The following PCDHGA4 variants were observed in gnomAD, a reference collection of about 807,000 sequenced individuals.
PCDHGA4 encodes protocadherin gamma-A4.
A neutral mutation model predicts 54.6 loss-of-function variants in PCDHGA4; 38 were observed. That is an observed-to-expected ratio of 0.70 (90% CI 0.54 to 0.91). PCDHGA4 has a LOEUF of 0.91. PCDHGA4 is among the 40% of genes least tolerant of loss of function. PCDHGA4 has a pLI of 0.00. For missense variants in PCDHGA4, 1,298 were observed against 1,220.9 expected (o/e 1.06, Z -0.94); for synonymous variants, 511 against 512.9 (o/e 1.00, Z 0.05).
chr5:141,486,100 C>G lies in PCDHGA4; in HGVS notation c.2515-8707C>G. Reference sequence around the variant, plus strand: ...AGCTTACTCTTTTGGGGCCCCTAGACTTTGAGAGTGAGAATTACTATGAAT... The same window carrying G: ...AGCTTACTCTTTTGGGGCCCCTAGAGTTTGAGAGTGAGAATTACTATGAAT... On this transcript the variant is annotated intron_variant, in intron 1 of 3. Transcript: ENST00000571252. This position sits in a 1 kb window ranked among gnomAD's most constrained non-coding sequence, Gnocchi z 5.0. 1 of 1,614,190 alleles carries G rather than the reference C, an allele frequency of 6.2e-7. No individual in the cohort carries two copies. The highest frequency in any genetic ancestry group is 1.1e-5 in the South Asian group (1 of 91,086).
chr5:141,484,695 G>A (rs1371166304), intron 1 of PCDHGA4, among the ~76,000 whole-genome samples: 3 of 151,920 alleles, frequency 2.0e-5, no homozygotes, highest in Non-Finnish European at 4.4e-5. Context: ...TCAGGCTGTG[G>A]CTGTTTTCCC....
intron 1 of PCDHGA4, chr5:141,415,477 C>A (rs2095874299): frequency 1.9e-6 from 3 of 1,614,184 alleles, no homozygotes; most frequent in Non-Finnish European, 2.5e-6. Flanking sequence ...CGCGGACTCG[C>A]GAAAGAGTCA....
intron 1 of PCDHGA4, chr5:141,383,044 GC>G: frequency 1.2e-6 from 2 of 1,613,878 alleles, no homozygotes; most frequent in Non-Finnish European, 8.5e-7. Context: ...GGGAGACATC[GC>G]CAAGGACCTG....
rs200625256 is a variant in PCDHGA4 at position 141,477,009 on chromosome 5, A to G, written c.2515-17798A>G. 7.5e-5 allele frequency: 121 copies of G among 1,614,064 alleles called. No homozygotes were observed. Among genetic ancestry groups the G allele is most frequent in the Non-Finnish European group, 9.2e-5 (109 of 1,180,028 alleles). On this transcript the variant is annotated intron_variant, in intron 1 of 3. Transcript: ENST00000571252. This position sits in a 1 kb window ranked among gnomAD's most constrained non-coding sequence, Gnocchi z 4.9. The stretch of plus-strand genomic sequence containing the variant: ...GGCGTGCGGCAACTATTCGCCTTAG[A>G]CCTTGTAACCGGGATGCTGACAATC...
chr5:141,439,176 T>C (rs1044289122), intron 1 of PCDHGA4, among the ~76,000 whole-genome samples: 3 of 146,068 alleles, frequency 2.1e-5, no homozygotes, highest in African/African-American at 7.8e-5. Context: ...CTGGGCGACA[T>C]AGTGAGACTC....
chr5:141,401,345 A>G (rs1233985725), intron 1 of PCDHGA4, among the ~76,000 whole-genome samples: 4 of 152,216 alleles, frequency 2.6e-5, no homozygotes, highest in Non-Finnish European at 4.4e-5. Context: ...TCCATCTCAA[A>G]AAAAAGGAAG....
chr5:141,484,647 G>C (rs556711906), intron 1 of PCDHGA4, among the ~76,000 whole-genome samples: 1 of 151,948 alleles, frequency 6.6e-6, no homozygotes, highest in African/African-American at 2.4e-5. Context: ...CTCTCCAATG[G>C]CTACTCTCCC....
At position 141,431,896 on chromosome 5, in the gene PCDHGA4, C is replaced by A. The variant is rs1292629023; in HGVS notation, c.2515-62911C>A. The A allele has an allele frequency of 6.2e-7, 1 of 1,613,940 alleles. No homozygotes were observed. The highest frequency in any genetic ancestry group is 1.3e-5 in the African/African-American group (1 of 74,924). On this transcript the variant is annotated intron_variant, in intron 1 of 3. Coordinates refer to ENST00000571252, the MANE Select transcript of PCDHGA4 (RefSeq NM_018917.4). This position sits in a 1 kb window ranked among gnomAD's most constrained non-coding sequence, Gnocchi z 4.8. Reference sequence around the variant, plus strand: ...TAAATGACCAAGATTCTGAGGAAAACGGACAGGTGATCTGTTTCATCCAAG... The same window carrying A: ...TAAATGACCAAGATTCTGAGGAAAAAGGACAGGTGATCTGTTTCATCCAAG...
intron 1 of PCDHGA4, chr5:141,418,580 G>A: frequency 1.2e-5 from 20 of 1,614,018 alleles, no homozygotes; most frequent in Non-Finnish European, 1.7e-5. Flanking sequence ...CAACCCCCCA[G>A]TGTTCAGCCA....
chr5:141,400,028 C>T (rs2093943957), intron 1 of PCDHGA4: 1 of 1,613,054 alleles, frequency 6.2e-7, no homozygotes. Context: ...AGGGACGCGG[C>T]CCGCCAGCGC....
At position 141,361,241 on chromosome 5, in the gene PCDHGA4, T is replaced by C. The variant is rs774637844; in HGVS notation, c.2514+3620T>C. Reference sequence around the variant, plus strand: ...CCACCAGGAACAGTGATCGCCTTGATAAAAACGAGAGACAGAGACTCTGGA... The same window carrying C: ...CCACCAGGAACAGTGATCGCCTTGACAAAAACGAGAGACAGAGACTCTGGA... On this transcript the variant is annotated intron_variant, in intron 1 of 3. Coordinates refer to ENST00000571252, the MANE Select transcript of PCDHGA4 (RefSeq NM_018917.4). 3.7e-6 allele frequency: 6 copies of C among 1,613,960 alleles called. No homozygotes were observed. In the South Asian group the frequency reaches 6.6e-5, roughly 18 times the overall value.
chr5:141,383,634 T>G (rs1364470063), intron 1 of PCDHGA4: 1 of 1,613,914 alleles, frequency 6.2e-7, no homozygotes, highest in African/African-American at 1.3e-5. Context: ...TCTCTCTGCC[T>G]CAGTACCAAG....
At chr5:141,364,990 G>T in intron 1 of PCDHGA4, 1 of 1,613,862 alleles carries the variant, frequency 6.2e-7, no homozygotes, top group South Asian at 1.1e-5. Flanking sequence ...GCGGAGACCC[G>T]GTACTCTCCG....
chr5:141,456,321 G>A (rs2098849819), intron 1 of PCDHGA4, among the ~76,000 whole-genome samples: 1 of 152,154 alleles, frequency 6.6e-6, no homozygotes, highest in African/African-American at 2.4e-5. Context: ...GGCTCCTCCT[G>A]GGGTTGATCT....
intron 1 of PCDHGA4, chr5:141,395,200 A>G: frequency 6.2e-7 from 1 of 1,613,768 alleles, no homozygotes; most frequent in Non-Finnish European, 8.5e-7. Flanking sequence ...ACATCCGTAG[A>G]TTTTCATGAA....
rs746834673 is a variant in PCDHGA4, at chr5:141,394,045, A to G, written c.2514+36424A>G. ...AGATTAGTGACAAGGAAATATTTGG[A>G]CCGAGAAAATGTCTCTATCTACAAT... On this transcript the variant is annotated intron_variant, in intron 1 of 3. Transcript: ENST00000571252. 6 of 1,613,706 alleles carry G rather than the reference A, an allele frequency of 3.7e-6. No individual in the cohort carries two copies. The highest frequency in any genetic ancestry group is 1.6e-4 in the Middle Eastern group (1 of 6,062).
intron 3 of PCDHGA4, 126 bp downstream of exon 3, chr5:141,505,607 T>A: frequency 6.5e-7 from 1 of 1,528,684 alleles, no homozygotes. Flanking sequence ...TCGGCAGGTC[T>A]GAAAGGACCC....
intron 1 of PCDHGA4, among the ~76,000 whole-genome samples, chr5:141,455,913 T>C (rs2098837234): frequency 7.2e-6 from 1 of 138,032 alleles, no homozygotes; most frequent in African/African-American, 2.7e-5. Context: ...ATTTATTTAT[T>C]TTGAGACGGA....
chr5:141,360,998 T>C, intron 1 of PCDHGA4: 1 of 1,613,390 alleles, frequency 6.2e-7, no homozygotes, highest in Non-Finnish European at 8.5e-7. Context: ...GACGAACAAG[T>C]GAAACACTTT....
Sources: gnomAD v4.1 joint callset for allele counts (sites outside exome capture counted in the v4.1 genomes callset) on GRCh38, gnomAD v4.1.1 for gene constraint, Gnocchi (gnomAD v3.1) non-coding constraint, MANE v1.5 for transcripts, NCBI Gene and HGNC (gene_info 2026-07-23, HGNC 2026-07-21) for gene names.